The following NSD3 variants were observed in gnomAD, a reference collection of about 807,000 sequenced individuals.
NSD3 encodes the protein histone-lysine N-methyltransferase NSD3.
NSD3 carries 24 observed loss-of-function variants against 160.8 expected under a neutral mutation model. The observed-to-expected ratio is 0.15, with a 90% CI of 0.11 to 0.21. The LOEUF is 0.21. Ranked by LOEUF, NSD3 falls within the 10% of genes least tolerant of loss-of-function variation. The pLI, the probability that NSD3 is intolerant of heterozygous loss-of-function variation, is 1.00. For synonymous variants in NSD3, 520 were observed against 600.0 expected, an observed-to-expected ratio of 0.87 and a Z score of 1.95; for missense variants, 1,157 against 1,735.9, an observed-to-expected ratio of 0.67 and a Z score of 5.93.
chr8:38,293,503 T>C (rs1809057525), intron 16 of NSD3, among the ~76,000 whole-genome samples: 1 of 151,060 alleles, frequency 6.6e-6, no homozygotes, highest in African/African-American at 2.4e-5. Context: ...TGGGCCAAGA[T>C]CACACCACTG....
chr8:38,307,638 G>C (rs1809440844), intron 12 of NSD3, among the ~76,000 whole-genome samples: 1 of 152,126 alleles, frequency 6.6e-6, no homozygotes, highest in Non-Finnish European at 1.5e-5. Flanking sequence ...GAATGCATCT[G>C]TATTGACATA....
intron 20 of NSD3, chr8:38,280,111 A>G (rs923075604): frequency 4.5e-4 from 70 of 155,834 alleles, no homozygotes; most frequent in Non-Finnish European, 1.3e-4. Flanking sequence ...GGCCAGAAAG[A>G]AGAAAGAAAA....
At chr8:38,299,308 C>T in intron 15 of NSD3, 136 bp downstream of exon 15, 1 of 827,484 alleles carries the variant, frequency 1.2e-6, no homozygotes, top group Non-Finnish European at 1.8e-6. Flanking sequence ...TATGAAGAAA[C>T]AGTCACAACC....
chr8:38,380,223 T>C (rs574871950), intron 1 of NSD3, among the ~76,000 whole-genome samples: 2 of 152,230 alleles, frequency 1.3e-5, no homozygotes, highest in South Asian at 4.1e-4. Flanking sequence ...AACACACTCA[T>C]CACTTAACAC....
chr8:38,377,146 G>A (rs957316126), intron 1 of NSD3, among the ~76,000 whole-genome samples: 13 of 152,164 alleles, frequency 8.5e-5, no homozygotes, highest in Non-Finnish European at 4.4e-5. Flanking sequence ...TCCGCCTCCT[G>A]GGTTCAAGCG....
rs1405593158 is a variant in NSD3, at chr8:38,288,900, A to C, written c.3232-144T>G. ...TTTCCTGATGAATAAGCTGAGATTA[A>C]TAACCATCTCTTTTGTCATTTAGTT... On this transcript the variant is annotated intron_variant, in intron 18 of 23. Transcript: ENST00000317025. The surrounding 1 kb of genome is among the most constrained non-coding windows in gnomAD (Gnocchi z 4.5). The C allele has an allele frequency of 3.9e-6, 4 of 1,031,986 alleles. No individual in the cohort carries two copies. The African/African-American group carries it at 6.5e-5, about 17-fold the overall frequency. The allele number at this position is 1,031,986 out of a possible 1,614,324, so 63.9% of individuals were successfully genotyped here.
At chr8:38,356,753 T>C (rs1810833753) in intron 1 of NSD3, among the ~76,000 whole-genome samples, 2 of 152,172 alleles carry the variant, frequency 1.3e-5, no homozygotes, top group Admixed American at 1.3e-4. Context: ...TTGTGCTGTA[T>C]ATATTCTTTT....
intron 1 of NSD3, among the ~76,000 whole-genome samples, chr8:38,349,673 ATATATATATATATATATATG>A (rs983334070): frequency 5.2e-5 from 6 of 114,366 alleles, no homozygotes; most frequent in African/African-American, 1.9e-4. Flanking sequence ...CTTTATATAT[ATATATATATATATATATATG>A]TATTTATTAT....
At chr8:38,332,773 A>C (rs1810096640) in intron 4 of NSD3, among the ~76,000 whole-genome samples, 1 of 152,138 alleles carries the variant, frequency 6.6e-6, no homozygotes, top group Middle Eastern at 3.4e-3. Context: ...TATTTTACAG[A>C]GGTATTAGTA....
intron 2 of NSD3, among the ~76,000 whole-genome samples, chr8:38,346,191 T>C (rs968721261): frequency 1.3e-5 from 2 of 149,560 alleles, no homozygotes; most frequent in Non-Finnish European, 3.0e-5. Flanking sequence ...TATACATATA[T>C]GTATATACAT....
intron 1 of NSD3, among the ~76,000 whole-genome samples, chr8:38,381,024 A>G (rs753125400): frequency 6.6e-6 from 1 of 152,086 alleles, no homozygotes; most frequent in Non-Finnish European, 1.5e-5. Context: ...CAATCCCATA[A>G]CCACCAGCTT....
rs1163247334 is a variant in NSD3 at position 38,352,022 on chromosome 8, TA to T, written c.-44-3808del. Among the ~76,000 whole-genome samples, 386 of 138,236 alleles carry T rather than the reference TA, an allele frequency of 2.8e-3. 1 individual carries two copies. The highest frequency in any genetic ancestry group is 7.2e-3 in the Middle Eastern group (2 of 276). 90.7% of individuals were successfully genotyped at this position (138,236 alleles called of 152,430 possible). On this transcript the variant is annotated intron_variant, in intron 1 of 23. Coordinates refer to ENST00000317025, the MANE Select transcript of NSD3 (RefSeq NM_023034.2). ...TGTACCCTAAAACTTAAAGTATAAT[TA>T]AAAAAAAAAAAGGATCCTGAGGCTA...
rs1259310997 is a variant in NSD3 at position 38,271,780 on chromosome 8, T to C, written c.*3861A>G. ...ATGTCCTTTTTCTCATATGGAAGTA[T>C]AGAATGTCAGCTTCCCAGCTGTGAG... is the stretch of plus-strand genomic sequence containing the variant. On this transcript the variant is annotated 3_prime_UTR_variant, in exon 24 of 24. Coordinates refer to ENST00000317025, the MANE Select transcript of NSD3 (RefSeq NM_023034.2). 1 of 152,220 alleles carries C rather than the reference T, an allele frequency of 6.6e-6. No homozygotes were observed. The highest frequency in any genetic ancestry group is 2.4e-5 in the African/African-American group (1 of 41,454). The allele number at this position is 152,220 out of a possible 1,614,324, so 9.4% of individuals were successfully genotyped here.
intron 2 of NSD3, among the ~76,000 whole-genome samples, chr8:38,339,081 A>G (rs963043059): frequency 6.6e-6 from 1 of 150,782 alleles, no homozygotes; most frequent in African/African-American, 2.4e-5. Context: ...CGGAGGTTGC[A>G]GTGAGCCGAG....
intron 19 of NSD3, among the ~76,000 whole-genome samples, chr8:38,282,198 C>T (rs2130985511): frequency 6.6e-6 from 1 of 152,290 alleles, no homozygotes; most frequent in Admixed American, 6.5e-5. Flanking sequence ...TAATTCTATG[C>T]AGTTTTAGCA....
chr8:38,345,821 A>G (rs1297577971), intron 2 of NSD3, among the ~76,000 whole-genome samples: 1 of 151,982 alleles, frequency 6.6e-6, no homozygotes, highest in African/African-American at 2.4e-5. Flanking sequence ...AGGCAGGAGA[A>G]TTGCTTGAAC....
chr8:38,309,081 G>T (rs937932472), intron 12 of NSD3, among the ~76,000 whole-genome samples: 7 of 151,606 alleles, frequency 4.6e-5, no homozygotes, highest in Admixed American at 1.3e-4. Context: ...GGCCAAGGTG[G>T]GTGCATTGCT....
At chr8:38,323,821 CA>C (rs397891214) in intron 7 of NSD3, among the ~76,000 whole-genome samples, 21,245 of 72,438 alleles carry the variant, frequency 0.29, 1,290 homozygotes, top group East Asian at 0.37. Context: ...GACCCTGTCT[CA>C]AAAAAAAAAA....
At chr8:38,370,724 G>A (rs1811225652) in intron 1 of NSD3, among the ~76,000 whole-genome samples, 1 of 152,082 alleles carries the variant, frequency 6.6e-6, no homozygotes, top group African/African-American at 2.4e-5. Context: ...ATTGATTGTG[G>A]TGATGGTTAT....
Sources: gnomAD v4.1 joint callset for allele counts (sites outside exome capture counted in the v4.1 genomes callset) on GRCh38, gnomAD v4.1.1 for gene constraint, Gnocchi (gnomAD v3.1) non-coding constraint, MANE v1.5 for transcripts, NCBI Gene and HGNC (gene_info 2026-07-23, HGNC 2026-07-21) for gene names.